Variants in CCDC33 observed in about 807,000 individuals in gnomAD.
The protein encoded by CCDC33 is coiled-coil domain-containing protein 33.
A neutral mutation model predicts 91.9 loss-of-function variants in CCDC33; 94 were observed. The observed-to-expected ratio is 1.02, with a 90% CI of 0.87 to 1.21. CCDC33 has a LOEUF of 1.21. Ranked by LOEUF, CCDC33 falls within the 50% of genes most tolerant of loss-of-function variation. The pLI, the probability that CCDC33 is intolerant of heterozygous loss-of-function variation, is 0.00. For missense variants in CCDC33, 940 were observed against 935.5 expected (o/e 1.00, Z -0.06); for synonymous variants, 396 against 374.5 (o/e 1.06, Z -0.66).
At chr15:74,304,237 A>G (rs2059849687) in intron 11 of CCDC33, 1 of 152,308 alleles carries the variant, frequency 6.6e-6, no homozygotes, top group East Asian at 1.9e-4. Context: ...AATGAGGGGC[A>G]ATGTGTTGGA....
At chr15:74,329,488 G>C (rs1031691346) in intron 11 of CCDC33, among the ~76,000 whole-genome samples, 2 of 152,198 alleles carry the variant, frequency 1.3e-5, no homozygotes, top group Non-Finnish European at 2.9e-5. Context: ...GACTGAGGGA[G>C]GGCACATAAA....
chr15:74,327,650 A>T (rs2060336170), intron 11 of CCDC33, among the ~76,000 whole-genome samples: 1 of 152,120 alleles, frequency 6.6e-6, no homozygotes, highest in Non-Finnish European at 1.5e-5. Context: ...AAAAATAAAA[A>T]TAACAGAGCT....
chr15:74,205,815 C>G (rs2074248238), intron 1 of CCDC33, among the ~76,000 whole-genome samples: 1 of 152,184 alleles, frequency 6.6e-6, no homozygotes, highest in African/African-American at 2.4e-5. Flanking sequence ...CAGAGGCCAC[C>G]AAGGGAGGCC....
intron 11 of CCDC33, 100 bp from the exon 12 acceptor site, chr15:74,330,088 TG>T: frequency 7.2e-7 from 1 of 1,380,742 alleles, no homozygotes; most frequent in Non-Finnish European, 9.8e-7. Flanking sequence ...TGGTGCTCAC[TG>T]GCCTTGTGGG....
At chr15:74,223,861 A>C (rs562665760) in intron 2 of CCDC33, among the ~76,000 whole-genome samples, 3 of 142,326 alleles carry the variant, frequency 2.1e-5, no homozygotes, top group Admixed American at 2.1e-4. Context: ...CTCTGCCACT[A>C]TTTGGAAGAG....
Position 74,265,555 on chromosome 15 carries a change from T to C in CCDC33, c.320-1123T>C, listed in dbSNP as rs1293452091. Reference sequence around the variant, plus strand: ...TTATATAACCCTCTGAGCTCCATTGTTCATATTTTAAGAACAGAGATGATG... The same window carrying C: ...TTATATAACCCTCTGAGCTCCATTGCTCATATTTTAAGAACAGAGATGATG... On this transcript the variant is annotated intron_variant, in intron 3 of 18. Transcript: ENST00000398814. Among the ~76,000 whole-genome samples, 3 of 152,216 alleles carry C rather than the reference T, an allele frequency of 2.0e-5. No homozygotes were observed. In the East Asian group the frequency reaches 5.8e-4, roughly 29 times the overall value.
chr15:74,309,752 C>A (rs2059957345), intron 11 of CCDC33, among the ~76,000 whole-genome samples: 1 of 152,180 alleles, frequency 6.6e-6, no homozygotes, highest in African/African-American at 2.4e-5. Flanking sequence ...ATCTATTTAT[C>A]CACTACAAAT....
chr15:74,300,709 T>C (rs2059778137), intron 11 of CCDC33: 1 of 152,260 alleles, frequency 6.6e-6, no homozygotes, highest in Admixed American at 6.5e-5. Flanking sequence ...AGAAAAGCGC[T>C]CTGGGAATAG....
intron 14 of CCDC33, 41 bp from the exon 15 acceptor site, chr15:74,331,162 G>A (rs765798924): frequency 1.2e-6 from 2 of 1,613,868 alleles, no homozygotes; most frequent in South Asian, 2.2e-5. Context: ...TGGCAGAGTA[G>A]GGAGCCCCTG....
chr15:74,327,410 A>G (rs1442799606), intron 11 of CCDC33, among the ~76,000 whole-genome samples: 3 of 152,080 alleles, frequency 2.0e-5, no homozygotes, highest in African/African-American at 2.4e-5. Context: ...TGAGGCGGGC[A>G]GATTACCTGA....
chr15:74,326,846 A>C (rs1473749131), intron 11 of CCDC33, among the ~76,000 whole-genome samples: 1 of 151,986 alleles, frequency 6.6e-6, no homozygotes, highest in African/African-American at 2.4e-5. Flanking sequence ...CCACAACAGG[A>C]ATCTGGGCCA....
At chr15:74,260,972 G>A (rs753500437) in intron 2 of CCDC33, among the ~76,000 whole-genome samples, 2 of 152,238 alleles carry the variant, frequency 1.3e-5, no homozygotes, top group Non-Finnish European at 2.9e-5. Context: ...CCGCCCTGCA[G>A]GCTGGGCACC....
chr15:74,225,572 C>A (rs946517253), intron 2 of CCDC33, among the ~76,000 whole-genome samples: 2 of 152,038 alleles, frequency 1.3e-5, no homozygotes, highest in African/African-American at 4.8e-5. Flanking sequence ...CCCCGAGACA[C>A]CAATGGACAT....
chr15:74,309,763 G>A (rs1464372004), intron 11 of CCDC33, among the ~76,000 whole-genome samples: 2 of 152,068 alleles, frequency 1.3e-5, no homozygotes, highest in African/African-American at 4.8e-5. Flanking sequence ...CACTACAAAT[G>A]GATCTGTGCC....
At chr15:74,258,434 CT>C (rs1160439269) in intron 2 of CCDC33, among the ~76,000 whole-genome samples, 2 of 152,178 alleles carry the variant, frequency 1.3e-5, no homozygotes, top group African/African-American at 4.8e-5. Flanking sequence ...CAGGTCTTGA[CT>C]ATTGTTCATG....
chr15:74,248,839 T>C (rs1219933815), intron 2 of CCDC33, among the ~76,000 whole-genome samples: 1 of 152,130 alleles, frequency 6.6e-6, no homozygotes, highest in Non-Finnish European at 1.5e-5. Flanking sequence ...CTGACCCCAC[T>C]TCTCCACCAA....
chr15:74,232,260 A>G (rs2075000931), upstream of CCDC33, among the ~76,000 whole-genome samples: 1 of 152,176 alleles, frequency 6.6e-6, no homozygotes, highest in Admixed American at 6.5e-5. Context: ...CCTGCCAGGA[A>G]AAAGAAGGCA....
At chr15:74,253,906 G>A (rs1186520614) in intron 2 of CCDC33, among the ~76,000 whole-genome samples, 3 of 152,110 alleles carry the variant, frequency 2.0e-5, no homozygotes, top group African/African-American at 7.2e-5. Context: ...TGTAGAGATG[G>A]GGTTTCACTG....
At chr15:74,253,674 CAA>C (rs1380813788) in intron 2 of CCDC33, among the ~76,000 whole-genome samples, 1 of 152,006 alleles carries the variant, frequency 6.6e-6, no homozygotes, top group Non-Finnish European at 1.5e-5. Flanking sequence ...AGCCAGAATT[CAA>C]AGTCAATGTC....
Sources: allele counts gnomAD v4.1 joint callset (sites outside exome capture counted in the v4.1 genomes callset), GRCh38; gene constraint gnomAD v4.1.1; transcripts MANE v1.5; gene names NCBI Gene and HGNC (gene_info 2026-07-23, HGNC 2026-07-21).